Variants in DNAH6 observed in about 807,000 individuals in gnomAD.
The protein encoded by DNAH6 is axonemal beta dynein heavy chain 6.
In DNAH6, 340 loss-of-function variants were observed where a neutral mutation model predicts 491.4. That is an observed-to-expected ratio of 0.69 (90% CI 0.63 to 0.76). The LOEUF (loss-of-function observed/expected upper bound fraction) is 0.76, where lower values mean the gene tolerates loss of function less well. Ranked by LOEUF, DNAH6 falls within the 30% of genes least tolerant of loss-of-function variation. The pLI is 0.00. For synonymous variants in DNAH6, 1,603 were observed against 1,686.1 expected (o/e 0.95, Z 1.21); for missense variants, 4,443 against 4,972.2 (o/e 0.89, Z 3.20).
chr2:84,653,523 A>G lies in DNAH6; in HGVS notation c.5283A>G (p.Thr1761=). The G allele has an allele frequency of 6.4e-7, 1 of 1,551,358 alleles. No homozygotes were observed. Among genetic ancestry groups the G allele is most frequent in the Non-Finnish European group, 8.7e-7 (1 of 1,146,746 alleles). The change falls in exon 34 of 77, where the codon ACA becomes ACG. Residue 1761 remains threonine, a synonymous_variant. Transcript: ENST00000389394. The part of the protein sequence containing the change: ...LVGPTGGGKT[T]VYRILAETLG... ...GGCCAACAGGAGGCGGCAAGACCAC[A>G]GTTTACCGAATACTAGCAGAAACTT...
At chr2:84,790,833 A>G (rs1028884777) in intron 68 of DNAH6, among the ~76,000 whole-genome samples, 2 of 152,250 alleles carry the variant, frequency 1.3e-5, no homozygotes, top group African/African-American at 4.8e-5. Flanking sequence ...AAGTTGCCAT[A>G]TGACTTAGCA....
At chr2:84,689,216 T>A (rs1694604423) in intron 45 of DNAH6, among the ~76,000 whole-genome samples, 1 of 152,218 alleles carries the variant, frequency 6.6e-6, no homozygotes, top group Non-Finnish European at 1.5e-5. Context: ...ATTAAGGTAC[T>A]CAGTGTGGGT....
At chr2:84,541,714 G>GA (rs768326542) in intron 4 of DNAH6, among the ~76,000 whole-genome samples, 28 of 152,166 alleles carry the variant, frequency 1.8e-4, no homozygotes, top group Non-Finnish European at 3.5e-4. Flanking sequence ...CAATCAGGGG[G>GA]AAAAAACATG....
At position 84,773,406 on chromosome 2, in the gene DNAH6, T is replaced by C. The variant is rs544789134; in HGVS notation, c.10704-8087T>C. Among the ~76,000 whole-genome samples, 65 of 152,234 alleles carry C rather than the reference T, an allele frequency of 4.3e-4. 1 individual carries two copies. Among genetic ancestry groups the C allele is most frequent in the African/African-American group, 1.5e-3 (61 of 41,568 alleles). The stretch of plus-strand genomic sequence containing the variant: ...CAAAGGACCTGATTATATTCCTTTA[T>C]GTGGTTGCATCATATTCCATGGTTT... On this transcript the variant is annotated intron_variant, in intron 64 of 76. Transcript: ENST00000389394.
At chr2:84,593,551 C>G (rs1043143637) in intron 16 of DNAH6, among the ~76,000 whole-genome samples, 3 of 152,178 alleles carry the variant, frequency 2.0e-5, no homozygotes, top group African/African-American at 7.2e-5. Flanking sequence ...ATCTTCCCCA[C>G]CAGCTACCGC....
At chr2:84,504,564 C>T in the DNAH6 span, among the ~76,000 whole-genome samples, 1 of 152,124 alleles carries the variant, frequency 6.6e-6, no homozygotes, top group Non-Finnish European at 1.5e-5. Flanking sequence ...AAAGGCTTTC[C>T]AGATATTTGA....
intron 71 of DNAH6, among the ~76,000 whole-genome samples, chr2:84,807,919 TCTC>T (rs375789366): frequency 3.3e-5 from 5 of 152,166 alleles, no homozygotes; most frequent in African/African-American, 9.6e-5. Context: ...TAAGCAGGCT[TCTC>T]CTTCCTTTTT....
chr2:84,684,526 A>G (rs1468901614), intron 42 of DNAH6, among the ~76,000 whole-genome samples: 6 of 152,268 alleles, frequency 3.9e-5, no homozygotes, highest in East Asian at 1.9e-4. Context: ...CAAGAAACAT[A>G]TATGTCAAAC....
chr2:84,722,923 A>T, intron 60 of DNAH6, 119 bp downstream of exon 60: 1 of 662,476 alleles, frequency 1.5e-6, no homozygotes, highest in South Asian at 2.5e-5. Flanking sequence ...TCCCAGGTGC[A>T]TGCAAGGTTC....
At position 84,517,896 on chromosome 2, in the gene DNAH6, C is replaced by A; in HGVS notation, c.70C>A (p.Leu24Ile). The A allele has an allele frequency of 6.4e-7, 1 of 1,551,730 alleles. No individual in the cohort carries two copies. The highest frequency in any genetic ancestry group is 8.7e-7 in the Non-Finnish European group (1 of 1,147,016). ...NIEEYAENSA[L>I]SRLNNIKAKQ... The stretch of plus-strand genomic sequence containing the variant: ...TGAAGAGTATGCCGAAAATTCTGCA[C>A]TTTCAAGACTGAATAATATAAAAGC... Residue 24 changes from leucine (L) to isoleucine (I), a missense_variant, in exon 2 of 77, where the codon CTT becomes ATT. Physicochemically the swap from Leu to Ile is conservative, Grantham distance 5 (BLOSUM62 2). Around this residue, in one of 3 missense-constraint regions of DNAH6, gnomAD observed 2,977 missense variants for 3,296.6 expected, o/e 0.90. Transcript: ENST00000389394.
intron 70 of DNAH6, among the ~76,000 whole-genome samples, chr2:84,803,369 T>C (rs1455175001): frequency 1.3e-5 from 2 of 152,160 alleles, no homozygotes; most frequent in African/African-American, 4.8e-5. Flanking sequence ...ATTTGGGTGA[T>C]GAAGTTCAAT....
chr2:84,597,943 G>T (rs1684770653), intron 18 of DNAH6, among the ~76,000 whole-genome samples: 1 of 151,840 alleles, frequency 6.6e-6, no homozygotes, highest in Non-Finnish European at 1.5e-5. Context: ...CAACATAGTG[G>T]GACCTGATGT....
At chr2:84,597,434 T>C (rs1222985213) in intron 18 of DNAH6, among the ~76,000 whole-genome samples, 1 of 152,204 alleles carries the variant, frequency 6.6e-6, no homozygotes, top group African/African-American at 2.4e-5. Context: ...ATGGCTATGA[T>C]CAAAGAGACA....
At chr2:84,500,761 C>T in the DNAH6 span, among the ~76,000 whole-genome samples, 1 of 151,978 alleles carries the variant, frequency 6.6e-6, no homozygotes, top group Non-Finnish European at 1.5e-5. Context: ...TTGGTTAATT[C>T]CTAGGGAATT....
intron 25 of DNAH6, 35 bp from the exon 26 acceptor site, chr2:84,621,403 T>C (rs369015542): frequency 7.2e-4 from 1,116 of 1,542,390 alleles, no homozygotes; most frequent in Non-Finnish European, 9.3e-4. Context: ...TTTGGTGATA[T>C]GCATCACATA....
At position 84,745,233 on chromosome 2, in the gene DNAH6, G is replaced by T; in HGVS notation, c.10496G>T (p.Cys3499Phe). The change falls in exon 63 of 77, where the codon TGT (cysteine) becomes TTT (phenylalanine). Residue 3499 changes from cysteine to phenylalanine, a missense_variant. By Grantham distance (205) the Cys-to-Phe change is radical. Transcript: ENST00000389394. Reference sequence around the variant, plus strand: ...TTCCATAAGCTAATTCTTATTAAATGTTGTAAAGAAGAAAAGGTAGGGCAT... The same window carrying T: ...TTCCATAAGCTAATTCTTATTAAATTTTGTAAAGAAGAAAAGGTAGGGCAT... Reference protein sequence around the residue: ...SSFHKLILIKCCKEEKVVFAL... With the variant: ...SSFHKLILIKFCKEEKVVFAL... 1.3e-6 allele frequency: 2 copies of T among 1,503,820 alleles called. No homozygotes were observed. The highest frequency in any genetic ancestry group is 1.8e-6 in the Non-Finnish European group (2 of 1,128,744). 93.2% of individuals were successfully genotyped at this position (1,503,820 alleles called of 1,614,324 possible).
intron 22 of DNAH6, 63 bp downstream of exon 22, chr2:84,611,917 T>C: frequency 7.2e-7 from 1 of 1,396,372 alleles, no homozygotes; most frequent in Middle Eastern, 1.8e-4. Flanking sequence ...GGGACTTTAG[T>C]CCCAGACTAA....
At position 84,641,993 on chromosome 2, in the gene DNAH6, A is replaced by T. The variant is rs1248471985; in HGVS notation, c.5017A>T (p.Ile1673Leu). 1 of 1,551,076 alleles carries T rather than the reference A, an allele frequency of 6.4e-7. No individual in the cohort carries two copies. The highest frequency in any genetic ancestry group is 8.7e-7 in the Non-Finnish European group (1 of 1,146,596). ...AGACCTAAATGAAGATGTGGTGTTGATAAGAGCTTTACAAGACTCCAATTT... is the reference window on the plus strand; with the variant it reads ...AGACCTAAATGAAGATGTGGTGTTGTTAAGAGCTTTACAAGACTCCAATTT... Reference protein sequence around the residue: ...NPDLNEDVVLIRALQDSNLPK... With the variant: ...NPDLNEDVVLLRALQDSNLPK... The change falls in exon 33 of 77, where the codon ATA becomes TTA. Residue 1673 changes from isoleucine to leucine, a missense_variant. Coordinates refer to ENST00000389394, the MANE Select transcript of DNAH6 (RefSeq NM_001370.2).
At chr2:84,631,643 G>C (rs1249283680) in intron 29 of DNAH6, among the ~76,000 whole-genome samples, 1 of 152,126 alleles carries the variant, frequency 6.6e-6, no homozygotes, top group Non-Finnish European at 1.5e-5. Flanking sequence ...GGAGATCAGA[G>C]TGATGCAGTA....
Sources: gnomAD v4.1 joint callset for allele counts (sites outside exome capture counted in the v4.1 genomes callset) on GRCh38, gnomAD v4.1.1 for gene constraint, gnomAD v4.1.1 regional missense constraint, MANE v1.5 for transcripts, NCBI Gene and HGNC (gene_info 2026-07-23, HGNC 2026-07-21) for gene names.